Variants in CACNB2 observed in about 807,000 individuals in gnomAD.
The protein encoded by CACNB2 is voltage-dependent L-type calcium channel subunit beta-2.
CACNB2 carries 42 observed loss-of-function variants against 73.3 expected under a neutral mutation model. That is an observed-to-expected ratio of 0.57 (90% CI 0.45 to 0.74). The LOEUF (loss-of-function observed/expected upper bound fraction) is 0.74. Among genes scored for constraint, CACNB2 ranks in the 30% least tolerant of loss-of-function variants. The pLI is 0.00. For missense variants in CACNB2, 940 were observed against 853.0 expected, an observed-to-expected ratio of 1.10 and a Z score of -1.27; for synonymous variants, 348 against 310.3, an observed-to-expected ratio of 1.12 and a Z score of -1.28.
intron 2 of CACNB2, among the ~76,000 whole-genome samples, chr10:18,400,364 G>C (rs1329285079): frequency 6.6e-6 from 1 of 152,128 alleles, no homozygotes; most frequent in East Asian, 1.9e-4. Flanking sequence ...TTTGAGAGAA[G>C]GTTTCATCTG....
At chr10:18,534,363 T>A in intron 11 of CACNB2, 136 bp downstream of exon 11, 1 of 800,214 alleles carries the variant, frequency 1.2e-6, no homozygotes, top group Non-Finnish European at 2.1e-6. Flanking sequence ...TAGTCAAGAA[T>A]TTTTAAATTG....
chr10:18,172,304 CA>C (rs1356063398), intron 2 of CACNB2, among the ~76,000 whole-genome samples: 4 of 152,176 alleles, frequency 2.6e-5, no homozygotes, highest in African/African-American at 9.7e-5. Context: ...GTGGAGGTTG[CA>C]GTGAGCCAAG....
At chr10:18,471,465 A>C (rs886430495) in intron 3 of CACNB2, among the ~76,000 whole-genome samples, 1 of 152,198 alleles carries the variant, frequency 6.6e-6, no homozygotes, top group Non-Finnish European at 1.5e-5. Context: ...ATAACCTAAA[A>C]ATTCGTCTTT....
At chr10:18,485,272 A>G (rs1162040647) in intron 3 of CACNB2, among the ~76,000 whole-genome samples, 1 of 152,202 alleles carries the variant, frequency 6.6e-6, no homozygotes, top group Non-Finnish European at 1.5e-5. Flanking sequence ...TAGCAAGATG[A>G]TAGAGAGAAG....
intron 2 of CACNB2, among the ~76,000 whole-genome samples, chr10:18,214,090 A>G (rs116273167): frequency 2.6e-5 from 4 of 152,078 alleles, no homozygotes; most frequent in African/African-American, 7.3e-5. Flanking sequence ...ATTTACCCCT[A>G]CACAACTGGA....
At chr10:18,393,230 T>G (rs955538711) in intron 2 of CACNB2, among the ~76,000 whole-genome samples, 3 of 151,624 alleles carry the variant, frequency 2.0e-5, no homozygotes, top group Non-Finnish European at 4.4e-5. Context: ...TCTGTCATCA[T>G]CAGTAGATAT....
intron 1 of CACNB2, chr10:18,141,180 A>G (rs2030350665): frequency 7.5e-7 from 1 of 1,329,180 alleles, no homozygotes; most frequent in Non-Finnish European, 9.9e-7. Flanking sequence ...ATGGAGAGAC[A>G]TGAATCAGGG....
chr10:18,432,450 CTGTGTG>C (rs57188373), intron 3 of CACNB2, among the ~76,000 whole-genome samples: 66,120 of 150,434 alleles, frequency 0.44, 15,213 homozygotes, highest in African/African-American at 0.54. Flanking sequence ...GTGTGTGTCT[CTGTGTG>C]TGTGTGTGTG....
chr10:18,297,958 G>C (rs558902722), intron 2 of CACNB2, among the ~76,000 whole-genome samples: 1 of 152,298 alleles, frequency 6.6e-6, no homozygotes, highest in South Asian at 2.1e-4. Context: ...AGAAAGGGAA[G>C]GAGAATCAAA....
chr10:18,495,545 C>CTGTGTGTG lies in CACNB2; in HGVS notation c.334-2770_334-2763dup, dbSNP rs59858946. Among the ~76,000 whole-genome samples, 305 of 124,700 alleles carry CTGTGTGTG rather than the reference C, an allele frequency of 2.4e-3. 2 individuals carry two copies. Among genetic ancestry groups the CTGTGTGTG allele is most frequent in the Admixed American group, 6.5e-3 (79 of 12,158 alleles). 81.8% of individuals were successfully genotyped at this position (124,700 alleles called of 152,430 possible). A position where few individuals can be genotyped will look rare whatever the true frequency, so the allele number is the denominator to read the frequency against. The stretch of plus-strand genomic sequence containing the variant: ...AAATATATTTTTAAAAGTATAAAAA[C>CTGTGTGTG]TGTGTGTGTGTGTGTGTGTGTGTGT... On this transcript the variant is annotated intron_variant, in intron 3 of 13. Transcript: ENST00000324631.
intron 2 of CACNB2, among the ~76,000 whole-genome samples, chr10:18,383,460 T>A (rs1224452795): frequency 6.6e-6 from 1 of 151,934 alleles, no homozygotes; most frequent in Non-Finnish European, 1.5e-5. Flanking sequence ...GGTAGTGGAG[T>A]GGGAAGAGTG....
intron 2 of CACNB2, among the ~76,000 whole-genome samples, chr10:18,374,143 A>G (rs908158222): frequency 6.6e-6 from 1 of 152,176 alleles, no homozygotes; most frequent in African/African-American, 2.4e-5. Context: ...TGAGGTGGAA[A>G]AGCCTGCAGA....
intron 2 of CACNB2, among the ~76,000 whole-genome samples, chr10:18,371,604 G>A (rs1481741827): frequency 6.6e-6 from 1 of 152,148 alleles, no homozygotes; most frequent in Non-Finnish European, 1.5e-5. Context: ...GTCTATCATT[G>A]TTGGACATTT....
chr10:18,148,095 T>TAA (rs34416277), intron 1 of CACNB2, among the ~76,000 whole-genome samples: 12 of 150,984 alleles, frequency 7.9e-5, no homozygotes, highest in South Asian at 4.2e-4. Flanking sequence ...TACAGTTTTT[T>TAA]AAAAAAAAAG....
chr10:18,460,765 C>T, intron 3 of CACNB2, among the ~76,000 whole-genome samples: 1 of 151,772 alleles, frequency 6.6e-6, no homozygotes, highest in East Asian at 1.9e-4. Context: ...TAGGGCACAC[C>T]TGTGGCCCCA....
chr10:18,330,718 G>C lies in CACNB2; in HGVS notation c.214-71206G>C, dbSNP rs187903846. 3.6e-3 allele frequency among the ~76,000 whole-genome samples: 548 copies of C among 152,116 alleles called. 3 individuals carry two copies. Among genetic ancestry groups the C allele is most frequent in the African/African-American group, 0.013 (526 of 41,510 alleles). On this transcript the variant is annotated intron_variant, in intron 2 of 13. Transcript: ENST00000324631. ...GAGTCTTGCTCTGTTGCCCAGGCTG[G>C]AGTGCAGTGGCATGATCTCGACTCA... is the stretch of plus-strand genomic sequence containing the variant.
chr10:18,165,059 A>G (rs772454681), intron 2 of CACNB2, among the ~76,000 whole-genome samples: 1 of 152,208 alleles, frequency 6.6e-6, no homozygotes, highest in African/African-American at 2.4e-5. Flanking sequence ...CATGATGTGA[A>G]GTCCAGCATT....
chr10:18,338,373 T>A (rs2041086405), intron 2 of CACNB2, among the ~76,000 whole-genome samples: 1 of 152,212 alleles, frequency 6.6e-6, no homozygotes, highest in Admixed American at 6.5e-5. Context: ...ACTAGTTTAC[T>A]CTTGTTAGGA....
At chr10:18,303,195 G>A (rs1435471311) in intron 2 of CACNB2, among the ~76,000 whole-genome samples, 1 of 152,106 alleles carries the variant, frequency 6.6e-6, no homozygotes, top group East Asian at 1.9e-4. Flanking sequence ...AGATAAGGAT[G>A]TGAGAAATGT....
Sources: allele counts gnomAD v4.1 joint callset (sites outside exome capture counted in the v4.1 genomes callset), GRCh38; gene constraint gnomAD v4.1.1; transcripts MANE v1.5; gene names NCBI Gene and HGNC (gene_info 2026-07-23, HGNC 2026-07-21).